The following NAA15 variants were observed in gnomAD, a reference collection of about 807,000 sequenced individuals.
NAA15 encodes N-alpha-acetyltransferase 15, NatA auxiliary subunit.
In NAA15, 34 loss-of-function variants were observed where a neutral mutation model predicts 114.0. That is an observed-to-expected ratio of 0.30 (90% CI 0.23 to 0.40). The LOEUF is 0.40. NAA15 is among the 10% of genes least tolerant of loss of function. NAA15 has a pLI of 1.00. For missense variants in NAA15, 658 were observed against 1,004.5 expected (o/e 0.66, Z 4.66); for synonymous variants, 340 against 338.0 (o/e 1.01, Z -0.06).
Position 139,361,783 on chromosome 4 carries a change from T to A in NAA15, c.1599T>A (p.Ile533=). 1 of 1,612,998 alleles carries A rather than the reference T, an allele frequency of 6.2e-7. No homozygotes were observed. The highest frequency in any genetic ancestry group is 1.1e-5 in the South Asian group (1 of 90,992). The part of the protein sequence containing the change: ...FDFHTYCMRK[I]TLRSYVDLLK... ...TTCATACATACTGTATGAGGAAGAT[T>A]ACCCTTAGATCATATGTGGACTTAT... Residue 533 remains isoleucine (I), a synonymous_variant, in exon 14 of 20, where the codon ATT becomes ATA. Coordinates refer to ENST00000296543, the MANE Select transcript of NAA15 (RefSeq NM_057175.5).
At chr4:139,342,718 G>T in intron 4 of NAA15, 108 bp from the exon 5 acceptor site, 1 of 999,174 alleles carries the variant, frequency 1.0e-6, no homozygotes, top group South Asian at 1.6e-5. Context: ...AAAGTGCTGG[G>T]ATTACAGGCG....
intron 18 of NAA15, among the ~76,000 whole-genome samples, chr4:139,385,308 T>TATATAA (rs1489273737): frequency 2.2e-5 from 2 of 91,874 alleles, no homozygotes; most frequent in African/African-American, 7.7e-5. Context: ...ATAATATATA[T>TATATAA]TATATATATA....
chr4:139,332,998 A>G (rs1003465649), intron 1 of NAA15, among the ~76,000 whole-genome samples: 2 of 152,164 alleles, frequency 1.3e-5, no homozygotes, highest in Non-Finnish European at 2.9e-5. Flanking sequence ...ATGGCATAGT[A>G]TTTGCATATA....
At chr4:139,386,057 C>T in intron 18 of NAA15, 76 bp from the exon 19 acceptor site, 1 of 740,596 alleles carries the variant, frequency 1.4e-6, no homozygotes, top group Non-Finnish European at 2.3e-6. Context: ...TCTTGTTTGC[C>T]TTTTATATTT....
In NAA15 at chr4:139,386,247, A is replaced by G. The variant is rs1312699963; in HGVS notation, c.2400+17A>G. The G allele has an allele frequency of 6.3e-6, 9 of 1,425,854 alleles. No homozygotes were observed. The highest frequency in any genetic ancestry group is 8.9e-6 in the Non-Finnish European group (9 of 1,016,630). 88.3% of individuals were successfully genotyped at this position (1,425,854 alleles called of 1,614,324 possible). A position where few individuals can be genotyped will look rare whatever the true frequency, so the allele number is the denominator to read the frequency against. On this transcript the variant is annotated intron_variant, in intron 19 of 19. Transcript: ENST00000296543. ...AACCTCCAGGTAAAGAGTTTTTCAT[A>G]ATCTCTCTGTAAGAATACTTAACTA...
Position 139,306,597 on chromosome 4 carries a change from G to GTT in NAA15, c.54+4775_54+4776dup, listed in dbSNP as rs777081197. Among the ~76,000 whole-genome samples the GTT allele has an allele frequency of 7.6e-4, 113 of 149,574 alleles. 1 individual carries two copies. The highest frequency in any genetic ancestry group is 2.6e-3 in the African/African-American group (108 of 40,810). The stretch of plus-strand genomic sequence containing the variant: ...AGCTGGTTTTTTTTTTTTTGGTCTG[G>GTT]TTTTTTTTTTGTTTTGTTTTGTTTT... On this transcript the variant is annotated intron_variant, in intron 1 of 19. Coordinates refer to ENST00000296543, the MANE Select transcript of NAA15 (RefSeq NM_057175.5).
chr4:139,354,321 C>T (rs1747872494), intron 10 of NAA15, among the ~76,000 whole-genome samples: 1 of 152,054 alleles, frequency 6.6e-6, no homozygotes, highest in South Asian at 2.1e-4. Flanking sequence ...TTTTTTGAGA[C>T]ATGATCTTGC....
intron 10 of NAA15, 55 bp from the exon 11 acceptor site, chr4:139,357,331 G>A (rs1432144765): frequency 6.6e-7 from 1 of 1,507,522 alleles, no homozygotes; most frequent in Non-Finnish European, 9.2e-7. Context: ...ATTTTGGGGG[G>A]TGCTCTTAAT....
At chr4:139,367,933 A>G (rs1748329595) in intron 14 of NAA15, among the ~76,000 whole-genome samples, 1 of 152,068 alleles carries the variant, frequency 6.6e-6, no homozygotes. Context: ...TGGCTATTAC[A>G]TATCCTTCAC....
chr4:139,343,096 T>C, intron 5 of NAA15, 136 bp downstream of exon 5: 2 of 666,728 alleles, frequency 3.0e-6, no homozygotes, highest in Non-Finnish European at 2.5e-6. Context: ...CAAAGAACTC[T>C]ACATAGGGGT....
Position 139,388,768 on chromosome 4 carries a change from T to C in NAA15, c.*684T>C, listed in dbSNP as rs1295742604. 1 of 152,668 alleles carries C rather than the reference T, an allele frequency of 6.6e-6. No homozygotes were observed. Among genetic ancestry groups the C allele is most frequent in the Non-Finnish European group, 1.5e-5 (1 of 68,048 alleles). The allele number at this position is 152,668 out of a possible 1,614,324, so 9.5% of individuals were successfully genotyped here. ...AGTTTTTAACTGAAGGAACCAGTTG[T>C]AACAGTCTCAATTTTAACTAAAACT... On this transcript the variant is annotated 3_prime_UTR_variant, in exon 20 of 20. Coordinates refer to ENST00000296543, the MANE Select transcript of NAA15 (RefSeq NM_057175.5).
chr4:139,321,843 A>G lies in NAA15; in HGVS notation c.55-12331A>G, dbSNP rs1268123464. Reference sequence around the variant, plus strand: ...TTTAAATCCTTTAGTGTTACATAATAGTAACTTGTTTTGAAGTCTCAGCTA... The same window carrying G: ...TTTAAATCCTTTAGTGTTACATAATGGTAACTTGTTTTGAAGTCTCAGCTA... On this transcript the variant is annotated intron_variant, in intron 1 of 19. Coordinates refer to ENST00000296543, the MANE Select transcript of NAA15 (RefSeq NM_057175.5). Among the ~76,000 whole-genome samples, 6 of 151,922 alleles carry G rather than the reference A, an allele frequency of 3.9e-5. No individual in the cohort carries two copies. In the East Asian group the frequency reaches 1.2e-3, roughly 29 times the overall value.
At chr4:139,315,001 T>TTCAGTTCAGG (rs1181192026) in intron 1 of NAA15, among the ~76,000 whole-genome samples, 3 of 74,354 alleles carry the variant, frequency 4.0e-5, no homozygotes, top group Admixed American at 1.5e-4. Context: ...TTCAGTTCAG[T>TTCAGTTCAGG]TTAGTTTAGG....
chr4:139,362,575 A>T (rs577610506), intron 14 of NAA15, among the ~76,000 whole-genome samples: 1 of 152,222 alleles, frequency 6.6e-6, no homozygotes, highest in Non-Finnish European at 1.5e-5. Flanking sequence ...GATTACAGGC[A>T]TGAGCCACTA....
chr4:139,345,524 C>G (rs540919096), intron 6 of NAA15, among the ~76,000 whole-genome samples: 11 of 152,234 alleles, frequency 7.2e-5, no homozygotes, highest in Non-Finnish European at 1.6e-4. Context: ...TCAGAGCTGA[C>G]CAGTGGATTT....
intron 1 of NAA15, among the ~76,000 whole-genome samples, chr4:139,316,058 CTCG>C (rs1746402305): frequency 6.6e-6 from 1 of 151,394 alleles, no homozygotes; most frequent in Admixed American, 6.6e-5. Context: ...ACTATTCTTC[CTCG>C]TCAATACCTT....
intron 15 of NAA15, among the ~76,000 whole-genome samples, chr4:139,374,926 C>G (rs1209693519): frequency 2.6e-5 from 4 of 152,158 alleles, no homozygotes; most frequent in African/African-American, 9.7e-5. Context: ...AATATAAATA[C>G]TTGTATTGAT....
intron 10 of NAA15, among the ~76,000 whole-genome samples, chr4:139,354,691 C>T (rs58409119): frequency 0.021 from 3,134 of 152,278 alleles, 89 homozygotes; most frequent in African/African-American, 0.07. Context: ...CTTTACCCAG[C>T]ACTCAGCTTC....
intron 1 of NAA15, among the ~76,000 whole-genome samples, chr4:139,329,248 CATTT>C (rs1746915569): frequency 6.6e-6 from 1 of 151,980 alleles, no homozygotes; most frequent in Non-Finnish European, 1.5e-5. Context: ...TTTTCCTCTT[CATTT>C]GTTTATCCAT....
Sources: allele counts gnomAD v4.1 joint callset (sites outside exome capture counted in the v4.1 genomes callset), GRCh38; gene constraint gnomAD v4.1.1; transcripts MANE v1.5; gene names NCBI Gene and HGNC (gene_info 2026-07-23, HGNC 2026-07-21).